The following POR variants were observed in gnomAD, a reference collection of about 807,000 sequenced individuals.
The protein encoded by POR is NADPH--cytochrome P450 reductase.
POR carries 56 observed loss-of-function variants against 84.0 expected under a neutral mutation model. The observed-to-expected ratio is 0.67, with a 90% CI of 0.54 to 0.83. POR has a LOEUF of 0.83. Among genes scored for constraint, POR ranks in the 40% least tolerant of loss-of-function variants. POR has a pLI of 0.00. For synonymous variants in POR, 414 were observed against 400.5 expected (o/e 1.03, Z -0.40); for missense variants, 938 against 944.3 (o/e 0.99, Z 0.09).
chr7:75,970,571 A>G (rs1312042159), intron 2 of POR, among the ~76,000 whole-genome samples: 1 of 151,934 alleles, frequency 6.6e-6, no homozygotes, highest in East Asian at 2.0e-4. Context: ...GCTGGTCTCA[A>G]ACTGGCCTCA....
chr7:75,951,058 C>T (rs1176261616), intron 1 of POR, among the ~76,000 whole-genome samples: 6 of 61,144 alleles, frequency 9.8e-5, no homozygotes, highest in Non-Finnish European at 2.1e-4. Flanking sequence ...GGCTCTGTCC[C>T]CCGGCCCCCC....
rs782486233 is a variant in POR, at chr7:75,979,576, C to T, written c.363C>T (p.Asp121=). ...TGTCAGCGGACCCTGAGGAGTATGA[C>T]CTGGTAAGCTGCCACCGCGTGCTGG... The change falls in exon 4 of 16, where the codon GAC becomes GAT. Residue 121 remains aspartate, a synonymous_variant. Transcript: ENST00000461988. 3 of 1,613,264 alleles carry T rather than the reference C, an allele frequency of 1.9e-6. No individual in the cohort carries two copies. The East Asian group carries it at 6.7e-5, about 36-fold the overall frequency.
intron 2 of POR, among the ~76,000 whole-genome samples, chr7:75,970,021 A>C (rs1788359561): frequency 6.6e-6 from 1 of 152,108 alleles, no homozygotes; most frequent in Non-Finnish European, 1.5e-5. Flanking sequence ...GTAAAGGATG[A>C]GTAGAAGGTG....
chr7:75,973,958 G>A (rs782045795), intron 3 of POR, among the ~76,000 whole-genome samples: 21 of 151,820 alleles, frequency 1.4e-4, no homozygotes, highest in Non-Finnish European at 2.1e-4. Flanking sequence ...GATTACAGGC[G>A]TGAGCCACTG....
intron 2 of POR, among the ~76,000 whole-genome samples, chr7:75,959,406 G>A (rs151301298): frequency 2.0e-5 from 3 of 152,290 alleles, no homozygotes; most frequent in African/African-American, 7.2e-5. Flanking sequence ...GTGGCCCAGG[G>A]CTATATCAGG....
intron 7 of POR, chr7:75,981,845 CT>C (rs1789067707): frequency 1.7e-6 from 1 of 582,014 alleles, no homozygotes; most frequent in East Asian, 2.8e-5. Flanking sequence ...GGCTCTGTGG[CT>C]AGGTTCAACT....
At chr7:75,922,136 T>C (rs1417756068) in intron 1 of POR, among the ~76,000 whole-genome samples, 1 of 152,156 alleles carries the variant, frequency 6.6e-6, no homozygotes, top group African/African-American at 2.4e-5. Context: ...TGAATTCAGT[T>C]GAGAACAGGG....
At chr7:75,957,092 G>A (rs1312067014) in intron 2 of POR, among the ~76,000 whole-genome samples, 26 of 152,216 alleles carry the variant, frequency 1.7e-4, no homozygotes, top group Non-Finnish European at 2.9e-4. Flanking sequence ...GGGCCTCCTT[G>A]CAACAGCGCC....
In POR at chr7:75,985,771, GTCA is replaced by G. The variant is rs1481436416; in HGVS notation, c.1596_1598del (p.Ile532del). 6.3e-7 allele frequency: 1 copy of G among 1,578,026 alleles called. No individual in the cohort carries two copies. Among genetic ancestry groups the G allele is most frequent in the Non-Finnish European group, 8.6e-7 (1 of 1,162,974 alleles). ...CCTGCCCTTCAAGGCCACCACGCCT[GTCA>G]TCATGGTGGGCCCCGGCACCGGGGT... On this transcript the variant is annotated inframe_deletion, in exon 13 of 16. Coordinates refer to ENST00000461988, the MANE Select transcript of POR (RefSeq NM_000941.3).
intron 1 of POR, among the ~76,000 whole-genome samples, chr7:75,938,545 C>T (rs1807811954): frequency 1.3e-5 from 2 of 152,024 alleles, no homozygotes; most frequent in African/African-American, 4.8e-5. Flanking sequence ...ATTGCTTGAG[C>T]CTAGGAGTTT....
rs782705123 is a variant in POR, at chr7:75,972,473, G to T, written c.237+12G>T. ...AGATGAAGAAAACGGTGAGTTTCCT[G>T]CATGTCTTTACTCTTCTCAGGAAGC... On this transcript the variant is annotated intron_variant, in intron 3 of 15. Transcript: ENST00000461988. 6.3e-7 allele frequency: 1 copy of T among 1,598,404 alleles called. No homozygotes were observed. The highest frequency in any genetic ancestry group is 2.2e-5 in the East Asian group (1 of 44,488).
At position 75,985,758 on chromosome 7, in the gene POR, G is replaced by T; in HGVS notation, c.1578G>T (p.Lys526Asn). 6.3e-7 allele frequency: 1 copy of T among 1,581,286 alleles called. No individual in the cohort carries two copies. Among genetic ancestry groups the T allele is most frequent in the South Asian group, 1.2e-5 (1 of 86,320 alleles). The change falls in exon 13 of 16, where the codon AAG becomes AAT. Residue 526 changes from lysine (K) to asparagine (N), a missense_variant. By Grantham distance (94) the Lys-to-Asn change is moderately conservative. Transcript: ENST00000461988. Reference sequence around the variant, plus strand: ...AGTCCCAGTTCCGCCTGCCCTTCAAGGCCACCACGCCTGTCATCATGGTGG... The same window carrying T: ...AGTCCCAGTTCCGCCTGCCCTTCAATGCCACCACGCCTGTCATCATGGTGG...
At position 75,984,840 on chromosome 7, in the gene POR, A is replaced by G. The variant is rs1175820593; in HGVS notation, c.1130A>G (p.Tyr377Cys). Residue 377 changes from tyrosine to cysteine, a missense_variant, in exon 11 of 16, where the codon TAC (tyrosine) becomes TGC (cysteine). Tyr to Cys is a radical substitution (Grantham distance 194). Transcript: ENST00000461988. ...TCCTACCGCACGGCCCTCACCTACTACCTGGACATCACCAACCCGCCGCGT... is the reference window on the plus strand; with the variant it reads ...TCCTACCGCACGGCCCTCACCTACTGCCTGGACATCACCAACCCGCCGCGT... 6.2e-7 allele frequency: 1 copy of G among 1,612,186 alleles called. No individual in the cohort carries two copies.
At chr7:75,966,713 G>A (rs372750126) in intron 2 of POR, among the ~76,000 whole-genome samples, 14 of 152,288 alleles carry the variant, frequency 9.2e-5, no homozygotes, top group Non-Finnish European at 7.4e-5. Flanking sequence ...CGCCTGTGAC[G>A]GGAACAAAAT....
chr7:75,967,665 C>T (rs577849798), intron 2 of POR, among the ~76,000 whole-genome samples: 7 of 149,606 alleles, frequency 4.7e-5, no homozygotes, highest in African/African-American at 1.2e-4. Context: ...TAATGGGAAA[C>T]GGGGAGGGCG....
intron 1 of POR, among the ~76,000 whole-genome samples, chr7:75,918,133 C>T (rs368674647): frequency 2.8e-4 from 43 of 152,216 alleles, no homozygotes; most frequent in African/African-American, 9.6e-4. Context: ...GTGGTGAAAC[C>T]CCGTCTCTAC....
At chr7:75,963,076 C>T (rs1459743910) in intron 2 of POR, among the ~76,000 whole-genome samples, 3 of 152,142 alleles carry the variant, frequency 2.0e-5, no homozygotes, top group African/African-American at 7.2e-5. Context: ...CCCGGGAGGC[C>T]AGGGGTCAGG....
At position 75,985,799 on chromosome 7, in the gene POR, T is replaced by C; in HGVS notation, c.1619T>C (p.Val540Ala). The C allele has an allele frequency of 6.4e-7, 1 of 1,566,182 alleles. No homozygotes were observed. The highest frequency in any genetic ancestry group is 8.7e-7 in the Non-Finnish European group (1 of 1,155,840). The change falls in exon 13 of 16, where the codon GTG becomes GCG. Residue 540 changes from valine to alanine, a missense_variant. Transcript: ENST00000461988. The stretch of plus-strand genomic sequence containing the variant: ...ATCATGGTGGGCCCCGGCACCGGGG[T>C]GGCACCCTTCATAGGCTTCATCCAG...
In POR at chr7:75,982,210, T is replaced by G; in HGVS notation, c.732-14T>G. ...TGCCGCTTCCCGGCCTCACCCTTGG[T>G]CTCCCCTTTCCAGCATTCGCCAGTA... On this transcript the variant is annotated splice_polypyrimidine_tract_variant and intron_variant, in intron 7 of 15. Coordinates refer to ENST00000461988, the MANE Select transcript of POR (RefSeq NM_000941.3). 6.2e-7 allele frequency: 1 copy of G among 1,601,950 alleles called. No individual in the cohort carries two copies. The highest frequency in any genetic ancestry group is 8.5e-7 in the Non-Finnish European group (1 of 1,174,316).
Sources: gnomAD v4.1 joint callset for allele counts (sites outside exome capture counted in the v4.1 genomes callset) on GRCh38, gnomAD v4.1.1 for gene constraint, MANE v1.5 for transcripts, NCBI Gene and HGNC (gene_info 2026-07-23, HGNC 2026-07-21) for gene names.